Variants in MTAP observed in about 807,000 individuals in gnomAD.
The protein encoded by MTAP is methylthioadenosine phosphorylase.
A neutral mutation model predicts 33.6 loss-of-function variants in MTAP; 33 were observed. The observed-to-expected ratio is 0.98, with a 90% CI of 0.74 to 1.31. MTAP has a LOEUF of 1.31. Among genes scored for constraint, MTAP ranks in the 40% most tolerant of loss-of-function variants. The pLI, the probability that MTAP is intolerant of heterozygous loss-of-function variation, is 0.00. For synonymous variants in MTAP, 148 were observed against 125.7 expected, an observed-to-expected ratio of 1.18 and a Z score of -1.19; for missense variants, 367 against 360.0, an observed-to-expected ratio of 1.02 and a Z score of -0.16.
chr9:21,883,637 G>T (rs1022012243), intron 1 of MTAP, among the ~76,000 whole-genome samples: 2 of 151,414 alleles, frequency 1.3e-5, no homozygotes, highest in Non-Finnish European at 2.9e-5. Flanking sequence ...AAAGACAAAC[G>T]TGAAAGAGTT....
chr9:21,818,199 A>G lies in MTAP; in HGVS notation c.344A>G (p.Asp115Gly). The change falls in exon 4 of 8, where the codon GAC becomes GGC. Residue 115 changes from aspartate to glycine, a missense_variant. Transcript: ENST00000644715. ...GDIVIIDQFI[D>G]RTTMRPQSFY... Reference sequence around the variant, plus strand: ...ATTGTCATTATTGATCAGTTCATTGACAGGTAAGCAGTCATACAAAATGCT... The same window carrying G: ...ATTGTCATTATTGATCAGTTCATTGGCAGGTAAGCAGTCATACAAAATGCT... 6.2e-7 allele frequency: 1 copy of G among 1,612,234 alleles called. No homozygotes were observed.
chr9:21,934,654 G>A (rs989796386), downstream of MTAP: 7 of 151,342 alleles, frequency 4.6e-5, no homozygotes. This position sits in a 1 kb window ranked among gnomAD's most constrained non-coding sequence, Gnocchi z 5.0. Flanking sequence ...TATATATTAA[G>A]TATAGCAGTA....
chr9:21,868,342 G>A (rs1245331463), downstream of MTAP, among the ~76,000 whole-genome samples: 1 of 152,208 alleles, frequency 6.6e-6, no homozygotes, highest in Non-Finnish European at 1.5e-5. Context: ...TCAGGAGGAT[G>A]ACTATCTAAA....
downstream of MTAP, chr9:21,933,721 T>C (rs192207963): frequency 5.9e-5 from 9 of 152,328 alleles, no homozygotes; most frequent in East Asian, 1.7e-3. Flanking sequence ...TTTGTATTAT[T>C]GTACCTGGCA....
chr9:21,806,387 A>G (rs1386490285), intron 1 of MTAP, among the ~76,000 whole-genome samples: 1 of 151,830 alleles, frequency 6.6e-6, no homozygotes, highest in African/African-American at 2.4e-5. Context: ...GATCATTTCA[A>G]AGTGGGCGAT....
Position 21,863,296 on chromosome 9 carries a change from T to A in MTAP, c.*1282T>A, listed in dbSNP as rs1563851647. ...AAGCTTGCTTTTTTAACTCTTTTTT[T>A]ATTGTTATTTTATAGAAATGCTTTT... On this transcript the variant is annotated 3_prime_UTR_variant, in exon 8 of 8. Transcript: ENST00000644715. 3 of 984,582 alleles carry A rather than the reference T, an allele frequency of 3.0e-6. No homozygotes were observed. Among genetic ancestry groups the A allele is most frequent in the African/African-American group, 1.7e-5 (1 of 57,220 alleles). 61.0% of individuals were successfully genotyped at this position (984,582 alleles called of 1,614,324 possible).
Position 21,864,397 on chromosome 9 carries a change from C to T in MTAP, c.*2383C>T, listed in dbSNP as rs886063791. ...TAGTATACTAAGTGAACACCATGGT[C>T]AGTTGTGAGCATTTTGGTTTCCGCA... On this transcript the variant is annotated 3_prime_UTR_variant, in exon 8 of 8. Coordinates refer to ENST00000644715, the MANE Select transcript of MTAP (RefSeq NM_002451.4). 25 of 984,816 alleles carry T rather than the reference C, an allele frequency of 2.5e-5. No homozygotes were observed. Among genetic ancestry groups the T allele is most frequent in the Non-Finnish European group, 2.9e-5 (24 of 829,868 alleles). The allele number at this position is 984,816 out of a possible 1,614,324, so 61.0% of individuals were successfully genotyped here. A position where few individuals can be genotyped will look rare whatever the true frequency, so the allele number is the denominator to read the frequency against.
intron 1 of MTAP, among the ~76,000 whole-genome samples, chr9:21,807,827 T>C (rs146135251): frequency 6.6e-6 from 1 of 152,338 alleles, no homozygotes; most frequent in African/African-American, 2.4e-5. Context: ...CAGAGACTGA[T>C]GGTAATACAT....
At chr9:21,849,823 A>G (rs1001646579) in intron 5 of MTAP, among the ~76,000 whole-genome samples, 1 of 152,226 alleles carries the variant, frequency 6.6e-6, no homozygotes, top group Non-Finnish European at 1.5e-5. Flanking sequence ...GGTGACTCCA[A>G]TTGCAGCTGT....
At chr9:21,811,389 A>G (rs1824343293) in intron 1 of MTAP, among the ~76,000 whole-genome samples, 1 of 152,236 alleles carries the variant, frequency 6.6e-6, no homozygotes. Context: ...GTATTTGGAT[A>G]AATGCTTTCA....
At position 21,863,775 on chromosome 9, in the gene MTAP, A is replaced by G. The variant is rs1825802024; in HGVS notation, c.*1761A>G. 1 of 985,778 alleles carries G rather than the reference A, an allele frequency of 1.0e-6. No homozygotes were observed. Among genetic ancestry groups the G allele is most frequent in the Non-Finnish European group, 1.2e-6 (1 of 829,948 alleles). 61.1% of individuals were successfully genotyped at this position (985,778 alleles called of 1,614,324 possible). On this transcript the variant is annotated 3_prime_UTR_variant, in exon 8 of 8. Transcript: ENST00000644715. Reference sequence around the variant, plus strand: ...AACCTTTTATTTAAAGAGTTTGTAAAGTCAATGTGTTTGTTTGTGTCTCTG... The same window carrying G: ...AACCTTTTATTTAAAGAGTTTGTAAGGTCAATGTGTTTGTTTGTGTCTCTG...
rs779460661 is a variant in MTAP at position 21,929,939 on chromosome 9, A to G, written c.148-1069A>G. The G allele has an allele frequency of 3.2e-4, 135 of 426,032 alleles. 3 individuals are homozygous for G. The highest frequency in any genetic ancestry group is 2.3e-3 in the South Asian group (110 of 48,826). The allele number at this position is 426,032 out of a possible 1,614,324, so 26.4% of individuals were successfully genotyped here. ...TAACCAACAGACTGATGGAACATAC[A>G]CCGAAAACCAATTCCACCATCAACC... On this transcript the variant is annotated intron_variant, in intron 1 of 1. Coordinates refer to the MTAP transcript ENST00000577563.
At position 21,863,728 on chromosome 9, in the gene MTAP, A is replaced by G; in HGVS notation, c.*1714A>G. ...TCTTTTCACTGTAGGCTATTACAGGATACTTCAGGATCAAGATACAGAACC... is the reference window on the plus strand; with the variant it reads ...TCTTTTCACTGTAGGCTATTACAGGGTACTTCAGGATCAAGATACAGAACC... On this transcript the variant is annotated 3_prime_UTR_variant, in exon 8 of 8. Coordinates refer to ENST00000644715, the MANE Select transcript of MTAP (RefSeq NM_002451.4). 4.1e-6 allele frequency: 4 copies of G among 985,856 alleles called. No homozygotes were observed. Among genetic ancestry groups the G allele is most frequent in the Non-Finnish European group, 4.8e-6 (4 of 829,928 alleles). The allele number at this position is 985,856 out of a possible 1,614,324, so 61.1% of individuals were successfully genotyped here.
In MTAP at chr9:21,883,423, G is replaced by A. The variant is rs950655357; in HGVS notation, c.147+28553G>A. 6.6e-5 allele frequency among the ~76,000 whole-genome samples: 10 copies of A among 152,088 alleles called. 1 individual carries two copies. The highest frequency in any genetic ancestry group is 1.5e-5 in the Non-Finnish European group (1 of 67,998). On this transcript the variant is annotated intron_variant, in intron 1 of 1. Coordinates refer to the MTAP transcript ENST00000577563. Reference sequence around the variant, plus strand: ...GGAGCATCAAGAGTTCTCATACAGTGCTAGTGAGAGCATAAATTGATAGAA... The same window carrying A: ...GGAGCATCAAGAGTTCTCATACAGTACTAGTGAGAGCATAAATTGATAGAA...
intron 3 of MTAP, 124 bp from the exon 4 acceptor site, chr9:21,817,911 A>G (rs1587204915): frequency 1.1e-6 from 1 of 914,552 alleles, no homozygotes. Context: ...ACTGGGTTCT[A>G]GGAGACCCCC....
At chr9:21,889,402 A>T (rs4593639) in intron 1 of MTAP, among the ~76,000 whole-genome samples, 65,567 of 151,378 alleles carry the variant, frequency 0.43, 16,624 homozygotes, top group African/African-American at 0.67. Flanking sequence ...AGAGATTTCG[A>T]CTTAGTTTGG....
chr9:21,924,513 T>C (rs952634401), intron 1 of MTAP, among the ~76,000 whole-genome samples: 2 of 152,224 alleles, frequency 1.3e-5, no homozygotes, highest in Non-Finnish European at 2.9e-5. Flanking sequence ...ATCCCCTATG[T>C]ACAGGCCCTA....
At chr9:21,911,352 A>T (rs894350762) in intron 1 of MTAP, among the ~76,000 whole-genome samples, 5 of 152,198 alleles carry the variant, frequency 3.3e-5, no homozygotes, top group African/African-American at 1.2e-4. Context: ...CACTGCACCT[A>T]TTCCAAAATT....
intron 1 of MTAP, among the ~76,000 whole-genome samples, chr9:21,919,688 G>C (rs1351910806): frequency 6.6e-6 from 1 of 152,198 alleles, no homozygotes; most frequent in East Asian, 1.9e-4. Flanking sequence ...ATGACATAAA[G>C]TGGGTGAAAT....
Sources: allele counts gnomAD v4.1 joint callset (sites outside exome capture counted in the v4.1 genomes callset), GRCh38; gene constraint gnomAD v4.1.1; non-coding constraint Gnocchi (gnomAD v3.1); transcripts MANE v1.5; gene names NCBI Gene and HGNC (gene_info 2026-07-23, HGNC 2026-07-21).